Variants in ANK2 observed in about 807,000 individuals in gnomAD.
ANK2 encodes ankyrin-2.
ANK2 carries 83 observed loss-of-function variants against 360.5 expected under a neutral mutation model. That is an observed-to-expected ratio of 0.23 (90% CI 0.19 to 0.28). The LOEUF (loss-of-function observed/expected upper bound fraction) is 0.28, where lower values mean the gene tolerates loss of function less well. ANK2 is among the 10% of genes least tolerant of loss of function. The pLI, the probability that ANK2 is intolerant of heterozygous loss-of-function variation, is 1.00. For synonymous variants in ANK2, 1,740 were observed against 1,759.5 expected, an observed-to-expected ratio of 0.99 and a Z score of 0.28; for missense variants, 4,201 against 4,795.7, an observed-to-expected ratio of 0.88 and a Z score of 3.66.
At chr4:112,868,459 C>T (rs1267798243) in intron 1 of ANK2, among the ~76,000 whole-genome samples, 1 of 152,220 alleles carries the variant, frequency 6.6e-6, no homozygotes, top group East Asian at 1.9e-4. Context: ...TAACAACCCA[C>T]TCTCACAATA....
intron 18 of ANK2, among the ~76,000 whole-genome samples, chr4:113,285,629 A>G (rs1420575681): frequency 1.3e-5 from 2 of 152,314 alleles, no homozygotes; most frequent in South Asian, 2.1e-4. Context: ...ACCCTCCACA[A>G]GGAAGCTCCA....
chr4:113,310,880 A>AT (rs1169254130), intron 23 of ANK2, among the ~76,000 whole-genome samples: 2 of 152,112 alleles, frequency 1.3e-5, no homozygotes, highest in African/African-American at 4.8e-5. Context: ...TAAAACTCAT[A>AT]TTTTTTTCTG....
intron 1 of ANK2, among the ~76,000 whole-genome samples, chr4:112,903,211 C>T (rs956089081): frequency 1.3e-5 from 2 of 152,168 alleles, no homozygotes; most frequent in South Asian, 2.1e-4. Flanking sequence ...GCGTCTCTGA[C>T]GAGTTTCCAG....
rs552813638 is a variant in ANK2, at chr4:113,174,314, C to T, written c.85-102C>T. ...CTCCGTATTATTGAAATTTTTCCAA[C>T]TAAAGCTTTTCTGACTTCAGTGTAA... On this transcript the variant is annotated intron_variant, in intron 1 of 45. Coordinates refer to ENST00000357077, the MANE Select transcript of ANK2 (RefSeq NM_001148.6). 102 of 979,316 alleles carry T rather than the reference C, an allele frequency of 1.0e-4. 3 individuals carry two copies. In the Middle Eastern group the frequency reaches 1.6e-3, roughly 15 times the overall value. 60.7% of individuals were successfully genotyped at this position (979,316 alleles called of 1,614,324 possible). A position where few individuals can be genotyped will look rare whatever the true frequency, so the allele number is the denominator to read the frequency against.
intron 1 of ANK2, among the ~76,000 whole-genome samples, chr4:113,051,209 G>A (rs1005835194): frequency 7.2e-5 from 11 of 152,100 alleles, no homozygotes; most frequent in Non-Finnish European, 1.6e-4. Context: ...AAGCAAGAGA[G>A]AGGGAAAAAG....
intron 2 of ANK2, among the ~76,000 whole-genome samples, chr4:113,012,252 A>G (rs1429190960): frequency 6.6e-6 from 1 of 152,136 alleles, no homozygotes; most frequent in Non-Finnish European, 1.5e-5. Flanking sequence ...CCTTTATTTA[A>G]TTACAGAACC....
intron 2 of ANK2, among the ~76,000 whole-genome samples, chr4:112,984,493 G>A (rs2044191869): frequency 6.6e-6 from 1 of 152,114 alleles, no homozygotes; most frequent in Non-Finnish European, 1.5e-5. Context: ...GCATGGGAAA[G>A]ACCTGCCCCC....
intron 37 of ANK2, among the ~76,000 whole-genome samples, chr4:113,351,100 A>G (rs2095385459): frequency 1.3e-5 from 2 of 152,052 alleles, no homozygotes; most frequent in Admixed American, 1.3e-4. Flanking sequence ...CTTGTGTGGA[A>G]ACTCCAGTTG....
chr4:112,799,223 A>G, the ANK2 span, among the ~76,000 whole-genome samples: 4 of 152,162 alleles, frequency 2.6e-5, no homozygotes, highest in Non-Finnish European at 5.9e-5. Flanking sequence ...TGCCCATTGA[A>G]GGACACTTGG....
intron 14 of ANK2, among the ~76,000 whole-genome samples, chr4:113,268,897 A>C (rs1021681488): frequency 3.9e-5 from 6 of 152,062 alleles, no homozygotes; most frequent in African/African-American, 1.4e-4. Context: ...TTTGGTTGGT[A>C]GGCTAATTAC....
chr4:113,247,083 A>G (rs2043307389), intron 9 of ANK2, among the ~76,000 whole-genome samples: 1 of 151,868 alleles, frequency 6.6e-6, no homozygotes, highest in Non-Finnish European at 1.5e-5. Flanking sequence ...GCATCCCTCC[A>G]ATGTTGATTG....
At chr4:113,063,351 GA>G (rs2074312770) in intron 1 of ANK2, among the ~76,000 whole-genome samples, 1 of 152,040 alleles carries the variant, frequency 6.6e-6, no homozygotes, top group Non-Finnish European at 1.5e-5. Flanking sequence ...TGGAAAGGTG[GA>G]TTTCAGCATT....
rs187577225 is a variant in ANK2 at position 113,117,517 on chromosome 4, C to T, written c.85-56899C>T. ...TCATCCTCCCTTCCTTCCATCATTC[C>T]CCTGCACCATTTCTAAGCTCAGTTT... On this transcript the variant is annotated intron_variant, in intron 1 of 45. Transcript: ENST00000357077. 5.2e-4 allele frequency: 215 copies of T among 414,750 alleles called. 3 individuals carry two copies. Among genetic ancestry groups the T allele is most frequent in the East Asian group, 3.9e-3 (55 of 13,984 alleles). 25.7% of individuals were successfully genotyped at this position (414,750 alleles called of 1,614,324 possible).
At chr4:113,254,456 G>A (rs1169181271) in intron 10 of ANK2, among the ~76,000 whole-genome samples, 1 of 152,116 alleles carries the variant, frequency 6.6e-6, no homozygotes, top group Non-Finnish European at 1.5e-5. Flanking sequence ...ATCAATGAAT[G>A]TTAATTTTTC....
At chr4:112,873,869 A>T (rs1267682737) in intron 1 of ANK2, among the ~76,000 whole-genome samples, 1 of 151,238 alleles carries the variant, frequency 6.6e-6, no homozygotes, top group East Asian at 2.0e-4. Flanking sequence ...AAGTTATTCC[A>T]CTTTGGTGAG....
At chr4:112,925,970 A>C (rs1411019545) in intron 2 of ANK2, among the ~76,000 whole-genome samples, 1 of 152,240 alleles carries the variant, frequency 6.6e-6, no homozygotes, top group Non-Finnish European at 1.5e-5. Context: ...CAAAAATTTC[A>C]GAAATAACTT....
At chr4:113,219,502 T>C (rs973402150) in intron 4 of ANK2, among the ~76,000 whole-genome samples, 1 of 151,782 alleles carries the variant, frequency 6.6e-6, no homozygotes, top group African/African-American at 2.4e-5. Context: ...GCATTATACA[T>C]TACAAAAAAC....
intron 2 of ANK2, among the ~76,000 whole-genome samples, chr4:112,922,180 T>C (rs73840943): frequency 0.014 from 2,091 of 152,298 alleles, 48 homozygotes; most frequent in African/African-American, 0.048. Flanking sequence ...ACTGGCTCTT[T>C]CTTTAAGAGT....
At chr4:113,007,685 A>G (rs1404695421) in intron 2 of ANK2, among the ~76,000 whole-genome samples, 1 of 152,128 alleles carries the variant, frequency 6.6e-6, no homozygotes, top group African/African-American at 2.4e-5. Context: ...TTGTACCTTA[A>G]ACTACAATTA....
Sources: allele counts gnomAD v4.1 joint callset (sites outside exome capture counted in the v4.1 genomes callset), GRCh38; gene constraint gnomAD v4.1.1; transcripts MANE v1.5; gene names NCBI Gene and HGNC (gene_info 2026-07-23, HGNC 2026-07-21).